Variants in PAPPA observed in about 807,000 individuals in gnomAD.
PAPPA encodes the protein pappalysin 1, also known as pappalysin-1.
PAPPA carries 60 observed loss-of-function variants against 164.0 expected under a neutral mutation model. The ratio of observed to expected loss-of-function variants is 0.37; its 90% CI spans 0.30 to 0.45. PAPPA has a LOEUF of 0.45. Among genes scored for constraint, PAPPA ranks in the 20% least tolerant of loss-of-function variants. The pLI is 1.00. For synonymous variants in PAPPA, 875 were observed against 814.1 expected (o/e 1.07, Z -1.27); for missense variants, 1,782 against 2,087.3 (o/e 0.85, Z 2.85).
At chr9:116,202,745 T>C (rs963954475) in intron 2 of PAPPA, among the ~76,000 whole-genome samples, 7 of 152,186 alleles carry the variant, frequency 4.6e-5, no homozygotes, top group Admixed American at 1.3e-4. Flanking sequence ...GGAGGAATTA[T>C]GGTCACATAT....
chr9:116,162,107 C>G (rs532582091), intron 1 of PAPPA, among the ~76,000 whole-genome samples: 24 of 152,102 alleles, frequency 1.6e-4, no homozygotes, highest in African/African-American at 4.3e-4. Flanking sequence ...AGGGAGAACT[C>G]GAGGGGAATA....
In PAPPA at chr9:116,204,859, C is replaced by T. The variant is rs537958953; in HGVS notation, c.1479-2597C>T. 9.2e-5 allele frequency among the ~76,000 whole-genome samples: 14 copies of T among 152,182 alleles called. No individual in the cohort carries two copies. The South Asian group carries it at 2.9e-3, about 32-fold the overall frequency. On this transcript the variant is annotated intron_variant, in intron 2 of 21. Transcript: ENST00000328252. ...ACAGTAATGTTCCTTCTAAATTTGA[C>T]CTCCTGTGCTTTCTCTTCTATCTTG... is the stretch of plus-strand genomic sequence containing the variant.
intron 6 of PAPPA, among the ~76,000 whole-genome samples, chr9:116,229,188 G>A (rs967954326): frequency 1.4e-4 from 21 of 152,204 alleles, no homozygotes; most frequent in African/African-American, 4.8e-4. Flanking sequence ...TTAACGAGGT[G>A]CATCTGAGAA....
chr9:116,390,377 T>C (rs1846874264), intron 21 of PAPPA, among the ~76,000 whole-genome samples: 1 of 152,024 alleles, frequency 6.6e-6, no homozygotes, highest in Non-Finnish European at 1.5e-5. Flanking sequence ...GTTAAGGAAA[T>C]TATAATTCCC....
intron 9 of PAPPA, among the ~76,000 whole-genome samples, chr9:116,281,037 C>A (rs575533298): frequency 6.6e-6 from 1 of 150,704 alleles, no homozygotes; most frequent in African/African-American, 2.4e-5. Context: ...AATAACACTA[C>A]GACAATTTAA....
At chr9:116,363,583 G>T (rs1456080748) in intron 18 of PAPPA, among the ~76,000 whole-genome samples, 2 of 152,308 alleles carry the variant, frequency 1.3e-5, no homozygotes, top group East Asian at 3.9e-4. Context: ...TCATTTAAGG[G>T]CAGTGATGCT....
intron 20 of PAPPA, among the ~76,000 whole-genome samples, chr9:116,379,530 T>C (rs1443723901): frequency 1.4e-5 from 2 of 144,044 alleles, no homozygotes; most frequent in Non-Finnish European, 3.0e-5. Context: ...TATGATATCT[T>C]CTTGCCTGTC....
At chr9:116,185,975 A>T (rs2118624241) in intron 1 of PAPPA, among the ~76,000 whole-genome samples, 1 of 152,244 alleles carries the variant, frequency 6.6e-6, no homozygotes, top group Non-Finnish European at 1.5e-5. Flanking sequence ...GGATCCACTT[A>T]CCAAGCAGTT....
chr9:116,184,659 C>A (rs566581795), intron 1 of PAPPA, among the ~76,000 whole-genome samples: 9 of 152,248 alleles, frequency 5.9e-5, no homozygotes, highest in African/African-American at 2.2e-4. Context: ...TTGCCCCATA[C>A]GTACAACTAG....
Position 116,352,783 on chromosome 9 carries a change from G to A in PAPPA, c.4042G>A (p.Ala1348Thr), listed in dbSNP as rs745389562. 18 of 1,613,864 alleles carry A rather than the reference G, an allele frequency of 1.1e-5. No homozygotes were observed. The highest frequency in any genetic ancestry group is 4.5e-5 in the East Asian group (2 of 44,884). ...PEALCELMCLAPPPVPNADLQ... is the reference protein window; with the variant it reads ...PEALCELMCLTPPPVPNADLQ... ...GGCCCTGTGTGAGCTCATGTGCCTC[G>A]CTCCACCCCCTGTGCCCAATGCAGA... The change falls in exon 16 of 22, where the codon GCT becomes ACT. Residue 1348 changes from alanine to threonine, a missense_variant. Coordinates refer to ENST00000328252, the MANE Select transcript of PAPPA (RefSeq NM_002581.5).
intron 10 of PAPPA, among the ~76,000 whole-genome samples, chr9:116,325,783 T>C (rs1403711096): frequency 6.6e-6 from 1 of 152,096 alleles, no homozygotes; most frequent in Non-Finnish European, 1.5e-5. Context: ...CTGGAGATGG[T>C]TCTACACAGC....
intron 6 of PAPPA, among the ~76,000 whole-genome samples, chr9:116,228,449 C>T (rs1844543565): frequency 6.6e-6 from 1 of 152,056 alleles, no homozygotes; most frequent in African/African-American, 2.4e-5. Context: ...TCACTGAACA[C>T]CAGTGAGAAC....
intron 19 of PAPPA, among the ~76,000 whole-genome samples, chr9:116,374,056 A>T (rs931563130): frequency 6.6e-6 from 1 of 150,978 alleles, no homozygotes; most frequent in African/African-American, 2.4e-5. Context: ...GGAGGTGGTG[A>T]TGTTAGTGAT....
chr9:116,272,965 G>A (rs919191346), intron 9 of PAPPA, among the ~76,000 whole-genome samples: 1 of 152,154 alleles, frequency 6.6e-6, no homozygotes, highest in Non-Finnish European at 1.5e-5. Flanking sequence ...CACTTCTGTT[G>A]TGTGATTTTT....
chr9:116,207,629 C>A, intron 3 of PAPPA, 28 bp downstream of exon 3: 1 of 1,593,138 alleles, frequency 6.3e-7, no homozygotes, highest in Non-Finnish European at 8.6e-7. Context: ...CTTCAGGAGG[C>A]AACTAGAGTA....
intron 1 of PAPPA, among the ~76,000 whole-genome samples, chr9:116,186,279 T>A (rs1486840512): frequency 6.6e-6 from 1 of 150,984 alleles, no homozygotes; most frequent in Non-Finnish European, 1.5e-5. Context: ...GATATAGATA[T>A]AGATATAGAT....
At chr9:116,377,786 G>A (rs1846674946) in intron 20 of PAPPA, 139 bp downstream of exon 20, 1 of 634,248 alleles carries the variant, frequency 1.6e-6, no homozygotes, top group Non-Finnish European at 2.8e-6. Context: ...TTCTTGGACA[G>A]GGATTAGCAG....
At chr9:116,344,482 C>T (rs1846180302) in intron 13 of PAPPA, 61 bp from the exon 14 acceptor site, 1 of 1,524,124 alleles carries the variant, frequency 6.6e-7, no homozygotes, top group African/African-American at 1.4e-5. Context: ...CTTTATCTTC[C>T]AACTGAGCAT....
chr9:116,226,618 C>T (rs958816958), intron 5 of PAPPA, among the ~76,000 whole-genome samples: 1 of 152,204 alleles, frequency 6.6e-6, no homozygotes, highest in Admixed American at 6.5e-5. Context: ...CACAATAAGA[C>T]AGGAGAAGAG....
Sources: gnomAD v4.1 joint callset for allele counts (sites outside exome capture counted in the v4.1 genomes callset) on GRCh38, gnomAD v4.1.1 for gene constraint, MANE v1.5 for transcripts, NCBI Gene and HGNC (gene_info 2026-07-23, HGNC 2026-07-21) for gene names.